ZMYM4: variants seen among roughly 807,000 people sequenced by gnomAD.
ZMYM4 encodes zinc finger MYM-type protein 4.
A neutral mutation model predicts 183.2 loss-of-function variants in ZMYM4; 31 were observed. That is an observed-to-expected ratio of 0.17 (90% CI 0.13 to 0.23). The LOEUF (loss-of-function observed/expected upper bound fraction) is 0.23. Ranked by LOEUF, ZMYM4 falls within the 10% of genes least tolerant of loss-of-function variation. The pLI is 1.00. For synonymous variants in ZMYM4, 592 were observed against 631.2 expected, an observed-to-expected ratio of 0.94 and a Z score of 0.93; for missense variants, 1,273 against 1,840.3, an observed-to-expected ratio of 0.69 and a Z score of 5.64.
At position 35,389,184 on chromosome 1, in the gene ZMYM4, T is replaced by C; in HGVS notation, c.2436+102T>C. ...AGGACAATTTAATTATTTAAAACTT[T>C]TAAGTATTAAATGTTTTATGCCTTC... On this transcript the variant is annotated intron_variant, in intron 14 of 29. Transcript: ENST00000314607. The surrounding 1 kb of genome is among the most constrained non-coding windows in gnomAD (Gnocchi z 4.0). 8.3e-7 allele frequency: 1 copy of C among 1,210,348 alleles called. No individual in the cohort carries two copies. Among genetic ancestry groups the C allele is most frequent in the Non-Finnish European group, 1.1e-6 (1 of 884,116 alleles). The allele number at this position is 1,210,348 out of a possible 1,614,324, so 75.0% of individuals were successfully genotyped here.
chr1:35,328,667 T>C (rs1642609506), intron 2 of ZMYM4, among the ~76,000 whole-genome samples: 1 of 152,024 alleles, frequency 6.6e-6, no homozygotes. Flanking sequence ...TCCCCTTTTC[T>C]GGTAGTTTAA....
At chr1:35,312,371 T>C (rs182625166) in intron 1 of ZMYM4, among the ~76,000 whole-genome samples, 79 of 152,338 alleles carry the variant, frequency 5.2e-4, no homozygotes, top group African/African-American at 1.6e-3. Flanking sequence ...AATATACCTT[T>C]TTATACCTTT....
intron 1 of ZMYM4, among the ~76,000 whole-genome samples, chr1:35,295,410 G>C (rs1021436614): frequency 4.6e-5 from 7 of 152,194 alleles, no homozygotes; most frequent in African/African-American, 1.7e-4. Flanking sequence ...AGCTGAACAT[G>C]AGTGAGCAAG....
At chr1:35,294,148 A>T (rs1445324515) in intron 1 of ZMYM4, among the ~76,000 whole-genome samples, 1 of 151,340 alleles carries the variant, frequency 6.6e-6, no homozygotes, top group Non-Finnish European at 1.5e-5. Context: ...AAAAAAAAAA[A>T]GGAATCAAAA....
chr1:35,289,839 A>G (rs1557923270), intron 1 of ZMYM4, among the ~76,000 whole-genome samples: 1 of 152,148 alleles, frequency 6.6e-6, no homozygotes, highest in African/African-American at 2.4e-5. Flanking sequence ...TTTACCATAT[A>G]TCCTAAAGAC....
intron 17 of ZMYM4, among the ~76,000 whole-genome samples, chr1:35,393,064 T>C (rs1644740420): frequency 6.6e-6 from 1 of 151,962 alleles, no homozygotes; most frequent in Non-Finnish European, 1.5e-5. Context: ...AAAAAATTCT[T>C]TTTTTAACCC....
intron 28 of ZMYM4, among the ~76,000 whole-genome samples, chr1:35,417,956 G>A (rs985558877): frequency 5.3e-5 from 8 of 151,976 alleles, no homozygotes; most frequent in Non-Finnish European, 7.4e-5. Flanking sequence ...TGCAGTGAGC[G>A]GAGATTTCGC....
Position 35,360,675 on chromosome 1 carries a change from T to C in ZMYM4, c.608-519T>C, listed in dbSNP as rs924452013. ...TCCAGCTGAATAGCGTAAGATTTAA[T>C]TTACAGTTAAAGACAGTGGTAGAAG... On this transcript the variant is annotated intron_variant, in intron 3 of 29. Coordinates refer to ENST00000314607, the MANE Select transcript of ZMYM4 (RefSeq NM_005095.3). Among the ~76,000 whole-genome samples, 6 of 152,210 alleles carry C rather than the reference T, an allele frequency of 3.9e-5. No individual in the cohort carries two copies. The South Asian group carries it at 1.2e-3, about 32-fold the overall frequency.
At chr1:35,412,526 T>C (rs1422115389) in intron 26 of ZMYM4, among the ~76,000 whole-genome samples, 1 of 152,146 alleles carries the variant, frequency 6.6e-6, no homozygotes, top group Non-Finnish European at 1.5e-5. Flanking sequence ...TGTTGCGTTA[T>C]ATGTACTGAT....
intron 1 of ZMYM4, among the ~76,000 whole-genome samples, chr1:35,278,919 CA>C (rs1640008708): frequency 6.6e-6 from 1 of 152,226 alleles, no homozygotes; most frequent in East Asian, 1.9e-4. Flanking sequence ...GAGGATGAGA[CA>C]GCTGTTAAGA....
At chr1:35,325,521 A>G (rs1295812862) in intron 2 of ZMYM4, 116 bp downstream of exon 2, 5 of 962,558 alleles carry the variant, frequency 5.2e-6, no homozygotes, top group East Asian at 2.7e-5. Flanking sequence ...TGATGGTTCA[A>G]TCTGATTTAG....
intron 1 of ZMYM4, among the ~76,000 whole-genome samples, chr1:35,307,007 G>A (rs1264658126): frequency 6.6e-6 from 1 of 152,144 alleles, no homozygotes; most frequent in Non-Finnish European, 1.5e-5. Context: ...ATGCAGACCA[G>A]CACTGTTTGT....
chr1:35,415,190 T>C (rs1570559239), intron 27 of ZMYM4, among the ~76,000 whole-genome samples: 3 of 152,140 alleles, frequency 2.0e-5, no homozygotes, highest in East Asian at 1.9e-4. Flanking sequence ...TCCCAAAATA[T>C]TTACTTTCTG....
chr1:35,342,668 TTTG>T (rs368242666), intron 2 of ZMYM4, among the ~76,000 whole-genome samples: 3 of 151,656 alleles, frequency 2.0e-5, no homozygotes, highest in African/African-American at 4.9e-5. Flanking sequence ...AAGGATCCTT[TTTG>T]TTGTTGTTGT....
At chr1:35,300,127 T>C (rs575163995) in intron 1 of ZMYM4, among the ~76,000 whole-genome samples, 3 of 152,268 alleles carry the variant, frequency 2.0e-5, no homozygotes, top group Middle Eastern at 3.4e-3. Flanking sequence ...ATCTGCCACA[T>C]AGAAAAAGAG....
chr1:35,316,611 T>C (rs778083721), intron 1 of ZMYM4, among the ~76,000 whole-genome samples: 7 of 152,240 alleles, frequency 4.6e-5, no homozygotes, highest in Non-Finnish European at 8.8e-5. Flanking sequence ...TGTGTAGTTG[T>C]GTTGCATCCT....
At chr1:35,400,687 GTA>G (rs1356219117) in intron 23 of ZMYM4, among the ~76,000 whole-genome samples, 43 of 152,250 alleles carry the variant, frequency 2.8e-4, no homozygotes, top group African/African-American at 1.0e-3. Context: ...TTCAACTAAT[GTA>G]TATGTTATGT....
intron 1 of ZMYM4, among the ~76,000 whole-genome samples, chr1:35,282,225 G>T (rs1640207643): frequency 6.6e-6 from 1 of 152,186 alleles, no homozygotes; most frequent in Non-Finnish European, 1.5e-5. Context: ...TAGGAGGTGG[G>T]CCCTAGTGGG....
At chr1:35,382,139 C>T (rs1342923801) in intron 9 of ZMYM4, among the ~76,000 whole-genome samples, 2 of 147,534 alleles carry the variant, frequency 1.4e-5, no homozygotes, top group East Asian at 3.9e-4. Flanking sequence ...GAGTGAAACT[C>T]CGTCTCAAAA....
Sources: gnomAD v4.1 joint callset for allele counts (sites outside exome capture counted in the v4.1 genomes callset) on GRCh38, gnomAD v4.1.1 for gene constraint, Gnocchi (gnomAD v3.1) non-coding constraint, MANE v1.5 for transcripts, NCBI Gene and HGNC (gene_info 2026-07-23, HGNC 2026-07-21) for gene names.